DTWD2: variants seen among roughly 807,000 people sequenced by gnomAD.
DTWD2 encodes DTW motif tRNA-uridine aminocarboxypropyltransferase 2, also known as tRNA-uridine aminocarboxypropyltransferase 2.
In DTWD2, 39 loss-of-function variants were observed where a neutral mutation model predicts 31.8. The ratio of observed to expected loss-of-function variants is 1.22; its 90% CI spans 0.95 to 1.60. The LOEUF is 1.60. DTWD2 is among the 40% of genes most tolerant of loss of function. The probability of loss-of-function intolerance (pLI) is 0.00; values close to 1 mark genes in which losing one functional copy is unlikely to be tolerated. For missense variants in DTWD2, 515 were observed against 381.5 expected (o/e 1.35, Z -2.92); for synonymous variants, 180 against 142.8 (o/e 1.26, Z -1.86).
intron 1 of DTWD2, among the ~76,000 whole-genome samples, chr5:118,958,217 G>A (rs1429191254): frequency 6.6e-6 from 1 of 152,046 alleles, no homozygotes; most frequent in East Asian, 1.9e-4. Flanking sequence ...CACTTTGGGG[G>A]GCCAAGGTGG....
At chr5:118,949,475 T>G (rs1754410746) in intron 1 of DTWD2, among the ~76,000 whole-genome samples, 1 of 152,200 alleles carries the variant, frequency 6.6e-6, no homozygotes, top group African/African-American at 2.4e-5. Context: ...ACAATTTGGT[T>G]GATAAGGCAT....
intron 4 of DTWD2, among the ~76,000 whole-genome samples, chr5:118,887,650 G>C (rs1478245555): frequency 1.3e-5 from 2 of 152,102 alleles, no homozygotes; most frequent in African/African-American, 2.4e-5. Flanking sequence ...ACAGGGACTC[G>C]CTGTTTTACA....
At chr5:118,889,529 T>C (rs1258258127) in intron 4 of DTWD2, among the ~76,000 whole-genome samples, 1 of 152,026 alleles carries the variant, frequency 6.6e-6, no homozygotes, top group African/African-American at 2.4e-5. Context: ...CACGGGGGGA[T>C]ATGCATGTAT....
chr5:118,935,046 G>C (rs747554493), intron 3 of DTWD2, among the ~76,000 whole-genome samples: 1 of 152,046 alleles, frequency 6.6e-6, no homozygotes, highest in Non-Finnish European at 1.5e-5. Flanking sequence ...GGGAAGGAGA[G>C]AGGCTAAAGG....
chr5:118,949,129 G>T (rs1754403332), intron 1 of DTWD2, among the ~76,000 whole-genome samples: 1 of 152,180 alleles, frequency 6.6e-6, no homozygotes, highest in Admixed American at 6.5e-5. Flanking sequence ...GTGTCCTTTT[G>T]GGAAGATTTG....
intron 1 of DTWD2, among the ~76,000 whole-genome samples, chr5:118,986,663 T>C (rs951930447): frequency 7.9e-5 from 12 of 152,204 alleles, no homozygotes; most frequent in Admixed American, 2.6e-4. Flanking sequence ...TAAAAAGCCA[T>C]CAATTCATTT....
rs371599581 is a variant in DTWD2, at chr5:118,856,150, T to C, written c.598-7932A>G. 2.0e-5 allele frequency among the ~76,000 whole-genome samples: 3 copies of C among 152,142 alleles called. No homozygotes were observed. In the East Asian group the frequency reaches 5.8e-4, roughly 29 times the overall value. On this transcript the variant is annotated intron_variant, in intron 4 of 5. Transcript: ENST00000510708. The stretch of plus-strand genomic sequence containing the variant: ...AAAGTTCTCCTAATAAACCCCACCT[T>C]TTCTGAAATAGCCATTACTCTAAAT...
intron 4 of DTWD2, among the ~76,000 whole-genome samples, chr5:118,854,842 C>T (rs1752093942): frequency 6.6e-6 from 1 of 152,064 alleles, no homozygotes. Context: ...AAAGATTTTA[C>T]ATTAATCATA....
At chr5:118,924,316 G>C (rs921880434) in intron 4 of DTWD2, among the ~76,000 whole-genome samples, 3 of 152,132 alleles carry the variant, frequency 2.0e-5, no homozygotes, top group Non-Finnish European at 4.4e-5. Context: ...CCAAAACAAA[G>C]AGAAGCATAC....
chr5:118,946,214 G>A (rs547568950), intron 1 of DTWD2, among the ~76,000 whole-genome samples: 1 of 152,288 alleles, frequency 6.6e-6, no homozygotes, highest in Non-Finnish European at 1.5e-5. Context: ...TTAACCCAAG[G>A]AAAATCAATA....
rs926204263 is a variant in DTWD2, at chr5:118,858,395, T to C, written c.598-10177A>G. Among the ~76,000 whole-genome samples the C allele has an allele frequency of 7.9e-5, 12 of 152,332 alleles. 1 individual carries two copies. Among genetic ancestry groups the C allele is most frequent in the African/African-American group, 2.9e-4 (12 of 41,586 alleles). ...ATGTTGACACAGACCAGTACTTTAA[T>C]AACACAAGAACTGTTTGAGCTGGTG... On this transcript the variant is annotated intron_variant, in intron 4 of 5. Coordinates refer to ENST00000510708, the MANE Select transcript of DTWD2 (RefSeq NM_173666.4).
chr5:118,846,101 G>C (rs1032107100), intron 5 of DTWD2, among the ~76,000 whole-genome samples: 1 of 152,090 alleles, frequency 6.6e-6, no homozygotes, highest in African/African-American at 2.4e-5. Context: ...CTAATACTTT[G>C]TTGAGTCTAG....
At chr5:118,970,551 G>A (rs943330525) in intron 1 of DTWD2, among the ~76,000 whole-genome samples, 1 of 152,210 alleles carries the variant, frequency 6.6e-6, no homozygotes, top group South Asian at 2.1e-4. Context: ...TTGGAAACAA[G>A]TGGGAAAACA....
At chr5:118,952,436 A>G (rs909987402) in intron 1 of DTWD2, among the ~76,000 whole-genome samples, 4 of 152,116 alleles carry the variant, frequency 2.6e-5, no homozygotes, top group Non-Finnish European at 4.4e-5. Flanking sequence ...TAGGTAGTGG[A>G]AAATTACAGT....
intron 1 of DTWD2, among the ~76,000 whole-genome samples, chr5:118,953,253 G>A (rs572358408): frequency 1.3e-5 from 2 of 152,318 alleles, no homozygotes; most frequent in Admixed American, 6.5e-5. Flanking sequence ...AGGCTCTAGA[G>A]GTGTCCACAC....
intron 4 of DTWD2, among the ~76,000 whole-genome samples, chr5:118,849,817 G>A (rs1449763312): frequency 6.6e-6 from 1 of 152,068 alleles, no homozygotes; most frequent in African/African-American, 2.4e-5. Flanking sequence ...GTAAGTGGGA[G>A]TTGAACAATG....
chr5:118,903,695 C>T (rs973878628), intron 4 of DTWD2, among the ~76,000 whole-genome samples: 1 of 151,646 alleles, frequency 6.6e-6, no homozygotes, highest in African/African-American at 2.4e-5. Context: ...CATTATGTTC[C>T]GTCATTATGA....
chr5:118,908,003 G>T (rs1428455062), intron 4 of DTWD2, among the ~76,000 whole-genome samples: 2 of 152,146 alleles, frequency 1.3e-5, no homozygotes, highest in Non-Finnish European at 2.9e-5. Flanking sequence ...CACTCAAGTG[G>T]ACACATAAAA....
chr5:118,847,972 TA>T, intron 5 of DTWD2, 117 bp downstream of exon 5: 1 of 1,162,740 alleles, frequency 8.6e-7, no homozygotes, highest in East Asian at 2.7e-5. Flanking sequence ...CATAAATTTC[TA>T]ACACAGAAGA....
Sources: allele counts gnomAD v4.1 joint callset (sites outside exome capture counted in the v4.1 genomes callset), GRCh38; gene constraint gnomAD v4.1.1; transcripts MANE v1.5; gene names NCBI Gene and HGNC (gene_info 2026-07-23, HGNC 2026-07-21).